HERC2: variants seen among roughly 807,000 people sequenced by gnomAD.
The protein encoded by HERC2 is E3 ubiquitin-protein ligase HERC2.
Under a neutral mutation model 537.7 loss-of-function variants are expected in HERC2, and 102 were observed. The observed-to-expected ratio is 0.19, with a 90% CI of 0.16 to 0.22. HERC2 has a LOEUF of 0.22. Among genes scored for constraint, HERC2 ranks in the 10% least tolerant of loss-of-function variants. HERC2 has a pLI of 1.00. For synonymous variants in HERC2, 2,224 were observed against 2,466.2 expected, an observed-to-expected ratio of 0.90 and a Z score of 2.91; for missense variants, 4,236 against 6,198.2, an observed-to-expected ratio of 0.68 and a Z score of 10.63.
chr15:28,178,841 G>T, intron 59 of HERC2, 46 bp downstream of exon 59: 1 of 1,576,800 alleles, frequency 6.3e-7, no homozygotes. Context: ...CAACGGAGCA[G>T]GAGCAAAGGC....
chr15:28,313,019 T>G (rs1423670215), intron 2 of HERC2, among the ~76,000 whole-genome samples: 3 of 152,178 alleles, frequency 2.0e-5, no homozygotes, highest in Non-Finnish European at 4.4e-5. Flanking sequence ...ACTGAGGCTG[T>G]GAGAGGTGGG....
Position 28,265,533 on chromosome 15 carries a change from C to A in HERC2, c.1870+85G>T. On this transcript the variant is annotated intron_variant, in intron 14 of 92. Transcript: ENST00000261609. This position sits in a 1 kb window ranked among gnomAD's most constrained non-coding sequence, Gnocchi z 4.0. ...CGACAGGGTGGGTGGCCTCGTGAGG[C>A]CCACTGTACTCATCTCACTTCCTCC... 1 of 1,132,810 alleles carries A rather than the reference C, an allele frequency of 8.8e-7. No homozygotes were observed. The highest frequency in any genetic ancestry group is 1.8e-5 in the Admixed American group (1 of 55,520). The allele number at this position is 1,132,810 out of a possible 1,614,324, so 70.2% of individuals were successfully genotyped here.
intron 86 of HERC2, among the ~76,000 whole-genome samples, chr15:28,119,399 C>CAAAAAAAA (rs201078187): frequency 2.2e-5 from 3 of 133,928 alleles, no homozygotes; most frequent in Admixed American, 1.4e-4. Context: ...GACTCCCTCT[C>CAAAAAAAA]AAAAAAAAAA....
chr15:28,295,211 T>G (rs1205302616), intron 3 of HERC2, among the ~76,000 whole-genome samples: 1 of 150,880 alleles, frequency 6.6e-6, no homozygotes, highest in Non-Finnish European at 1.5e-5. Context: ...GTAGACACCT[T>G]GGGTCACAGA....
intron 69 of HERC2, among the ~76,000 whole-genome samples, chr15:28,162,890 C>CA (rs1241484289): frequency 6.6e-6 from 1 of 151,672 alleles, no homozygotes. Flanking sequence ...GACTCCGTCT[C>CA]AAAAAAACAA....
chr15:28,223,220 A>T (rs1238271100), intron 35 of HERC2, among the ~76,000 whole-genome samples: 1 of 151,932 alleles, frequency 6.6e-6, no homozygotes, highest in East Asian at 1.9e-4. Context: ...AGGAGCGCTA[A>T]CCCCAGGAGA....
chr15:28,262,397 T>C (rs1035397510), intron 15 of HERC2, among the ~76,000 whole-genome samples: 1 of 152,174 alleles, frequency 6.6e-6, no homozygotes, highest in Non-Finnish European at 1.5e-5. Context: ...GGCACTCTTA[T>C]CTACATACCT....
At position 28,270,805 on chromosome 15, in the gene HERC2, T is replaced by A; in HGVS notation, c.1147A>T (p.Asn383Tyr). 6.2e-7 allele frequency: 1 copy of A among 1,613,948 alleles called. No homozygotes were observed. The highest frequency in any genetic ancestry group is 1.1e-5 in the South Asian group (1 of 91,078). The change falls in exon 10 of 93, where the codon AAC becomes TAC. Residue 383 changes from asparagine to tyrosine, a missense_variant. Physicochemically the swap from Asn to Tyr is moderately radical, Grantham distance 143 (BLOSUM62 -2). Coordinates refer to ENST00000261609, the MANE Select transcript of HERC2 (RefSeq NM_004667.6). ...FLRYLTLPQDNELAIDLRQTA... is the reference protein window; with the variant it reads ...FLRYLTLPQDYELAIDLRQTA... ...TGTCGCAGATCAATGGCAAGCTCGT[T>A]GTCTTGTGGAAGGGTGAGGTACCTC...
rs548564922 is a variant in HERC2 at position 28,146,279 on chromosome 15, T to C, written c.10966A>G (p.Thr3656Ala). The change falls in exon 71 of 93, where the codon ACA (threonine) becomes GCA (alanine). Residue 3656 changes from threonine to alanine, a missense_variant. Coordinates refer to ENST00000261609, the MANE Select transcript of HERC2 (RefSeq NM_004667.6). ...ATCCTGTTGACGCCGTCCATGACTG[T>C]GAGAGGGTCGTGGCGCCTCTCTGTG... ...CSTERRHDPL[T>A]VMDGVNRIVS... 1 of 1,614,032 alleles carries C rather than the reference T, an allele frequency of 6.2e-7. No homozygotes were observed. The highest frequency in any genetic ancestry group is 8.5e-7 in the Non-Finnish European group (1 of 1,179,986).
At chr15:28,298,157 GTT>G (rs1293998144) in intron 3 of HERC2, among the ~76,000 whole-genome samples, 12 of 141,658 alleles carry the variant, frequency 8.5e-5, no homozygotes, top group East Asian at 8.3e-4. Flanking sequence ...TGTGTTTTTT[GTT>G]TTTTTTTTTT....
intron 68 of HERC2, among the ~76,000 whole-genome samples, chr15:28,165,401 GA>G (rs1171205603): frequency 6.6e-6 from 1 of 152,312 alleles, no homozygotes; most frequent in African/African-American, 2.4e-5. Context: ...TATAAATACA[GA>G]AAGGGTGAAA....
intron 69 of HERC2, among the ~76,000 whole-genome samples, chr15:28,160,332 T>A (rs1893458513): frequency 6.6e-6 from 1 of 151,848 alleles, no homozygotes; most frequent in Non-Finnish European, 1.5e-5. Context: ...CCCCCAGAGG[T>A]GGAGTCTATA....
intron 2 of HERC2, among the ~76,000 whole-genome samples, chr15:28,313,331 C>A (rs997566618): frequency 6.6e-6 from 1 of 152,202 alleles, no homozygotes; most frequent in African/African-American, 2.4e-5. Context: ...GCGCACGCCA[C>A]CACGCCCGGC....
intron 69 of HERC2, among the ~76,000 whole-genome samples, chr15:28,158,721 A>T (rs1351870460): frequency 6.6e-6 from 1 of 152,324 alleles, no homozygotes; most frequent in East Asian, 1.9e-4. Flanking sequence ...TAATTGGAGC[A>T]TTTAGCCCAC....
intron 4 of HERC2, among the ~76,000 whole-genome samples, chr15:28,292,015 G>C (rs529119933): frequency 6.6e-6 from 1 of 151,276 alleles, no homozygotes; most frequent in African/African-American, 2.4e-5. Flanking sequence ...ATCACCTGAG[G>C]TCAGGAGTTC....
chr15:28,281,500 C>T (rs1407383504), intron 4 of HERC2, among the ~76,000 whole-genome samples: 2 of 152,108 alleles, frequency 1.3e-5, no homozygotes, highest in African/African-American at 4.8e-5. Context: ...GGCTGCCTCC[C>T]CTTGTGCAGA....
chr15:28,130,269 T>G lies in HERC2; in HGVS notation c.12696A>C (p.Gly4232=). ...GKGDYHRLGH[G]SDDHVRRPRQ... is the part of the protein sequence containing the mutation. Reference sequence around the variant, plus strand: ...GAGGCCTTCGAACATGGTCATCTGATCCATGGCCCAACCTGTGATAATCGC... The same window carrying G: ...GAGGCCTTCGAACATGGTCATCTGAGCCATGGCCCAACCTGTGATAATCGC... Residue 4232 remains glycine (G), a synonymous_variant, in exon 83 of 93, where the codon GGA becomes GGC. Coordinates refer to ENST00000261609, the MANE Select transcript of HERC2 (RefSeq NM_004667.6). 2 of 1,614,132 alleles carry G rather than the reference T, an allele frequency of 1.2e-6. No individual in the cohort carries two copies. Among genetic ancestry groups the G allele is most frequent in the Non-Finnish European group, 1.7e-6 (2 of 1,180,028 alleles).
At chr15:28,297,016 G>A (rs538578642) in intron 3 of HERC2, among the ~76,000 whole-genome samples, 5 of 152,348 alleles carry the variant, frequency 3.3e-5, no homozygotes, top group South Asian at 2.1e-4. Context: ...GCATACGCAC[G>A]AAAGATAAAA....
At chr15:28,315,540 C>A in intron 2 of HERC2, 1 of 422,760 alleles carries the variant, frequency 2.4e-6, no homozygotes, top group Non-Finnish European at 4.7e-6. Flanking sequence ...CATGCTTGTA[C>A]TCCCAGCACT....
Sources: allele counts gnomAD v4.1 joint callset (sites outside exome capture counted in the v4.1 genomes callset), GRCh38; gene constraint gnomAD v4.1.1; non-coding constraint Gnocchi (gnomAD v3.1); transcripts MANE v1.5; gene names NCBI Gene and HGNC (gene_info 2026-07-23, HGNC 2026-07-21).